The following TGFBRAP1 variants were observed in gnomAD, a reference collection of about 807,000 sequenced individuals.
The protein encoded by TGFBRAP1 is transforming growth factor-beta receptor-associated protein 1.
A neutral mutation model predicts 83.2 loss-of-function variants in TGFBRAP1; 20 were observed. That is an observed-to-expected ratio of 0.24 (90% CI 0.17 to 0.35). TGFBRAP1 has a LOEUF of 0.35. TGFBRAP1 is among the 10% of genes least tolerant of loss of function. TGFBRAP1 has a pLI of 1.00. For synonymous variants in TGFBRAP1, 415 were observed against 459.8 expected (o/e 0.90, Z 1.25); for missense variants, 950 against 1,099.4 (o/e 0.86, Z 1.92).
intron 6 of TGFBRAP1, among the ~76,000 whole-genome samples, chr2:105,280,049 T>C (rs1677478467): frequency 6.8e-6 from 1 of 146,560 alleles, no homozygotes; most frequent in Non-Finnish European, 1.5e-5. Flanking sequence ...AAAAAAATAG[T>C]CATTAAAAAA....
At position 105,269,343 on chromosome 2, in the gene TGFBRAP1, G is replaced by A; in HGVS notation, c.2335C>T (p.His779Tyr). 1 of 1,614,004 alleles carries A rather than the reference G, an allele frequency of 6.2e-7. No individual in the cohort carries two copies. Among genetic ancestry groups the A allele is most frequent in the African/African-American group, 1.3e-5 (1 of 75,042 alleles). The part of the protein sequence containing the change: ...FLMGAMRDSI[H>Y]ARRTMQVALG... ...GCCACCTGCATGGTCCTCCTGGCAT[G>A]GATGCTGTCCCTCATGGCCCCCATC... Residue 779 changes from histidine (H) to tyrosine (Y), a missense_variant, in exon 11 of 12, where the codon CAT becomes TAT. His to Tyr is a moderately conservative substitution (Grantham distance 83). Transcript: ENST00000393359. The surrounding 1 kb of genome is among the most constrained non-coding windows in gnomAD (Gnocchi z 4.1).
intron 1 of TGFBRAP1, among the ~76,000 whole-genome samples, chr2:105,310,369 T>G (rs1678651657): frequency 6.6e-6 from 1 of 152,168 alleles, no homozygotes; most frequent in Non-Finnish European, 1.5e-5. Flanking sequence ...TATGCTGTCT[T>G]CTGTCCTCAG....
At chr2:105,258,033 C>T in the TGFBRAP1 span, among the ~76,000 whole-genome samples, 1 of 152,256 alleles carries the variant, frequency 6.6e-6, no homozygotes, top group Non-Finnish European at 1.5e-5. Context: ...AAACTGCCCC[C>T]TTTGCATGAA....
chr2:105,280,381 C>T lies in TGFBRAP1; in HGVS notation c.1463+1G>A. The T allele has an allele frequency of 1.2e-6, 2 of 1,612,162 alleles. No individual in the cohort carries two copies. The highest frequency in any genetic ancestry group is 1.7e-6 in the Non-Finnish European group (2 of 1,179,114). On this transcript the variant is annotated splice_donor_variant, in intron 6 of 11. Transcript: ENST00000393359. LOFTEE classifies it high-confidence loss of function. The stretch of plus-strand genomic sequence containing the variant: ...GATCATATCAGGAAGGGAACACTCA[C>T]TTTTTGTGCTTCTCTAGCCAGGCAG...
chr2:105,302,665 A>G (rs977604383), intron 2 of TGFBRAP1, among the ~76,000 whole-genome samples: 3 of 152,214 alleles, frequency 2.0e-5, no homozygotes, highest in African/African-American at 7.2e-5. Flanking sequence ...TACCTATGGG[A>G]GAGGGAGACT....
Position 105,284,346 on chromosome 2 carries a change from A to C in TGFBRAP1, c.1091T>G (p.Leu364Arg). Residue 364 changes from leucine to arginine, a missense_variant, in exon 5 of 12, where the codon CTT becomes CGT. Coordinates refer to ENST00000393359, the MANE Select transcript of TGFBRAP1 (RefSeq NM_004257.6). Reference protein sequence around the residue: ...QQAGFIQFAQLQFLEAKELFR... With the variant: ...QQAGFIQFAQRQFLEAKELFR... ...GAGCTCTTTAGCTTCCAGGAACTGAAGTTGTGCAAACTGTATAAATCCCGC... is the reference window on the plus strand; with the variant it reads ...GAGCTCTTTAGCTTCCAGGAACTGACGTTGTGCAAACTGTATAAATCCCGC... 6.2e-7 allele frequency: 1 copy of C among 1,614,032 alleles called. No individual in the cohort carries two copies. Among genetic ancestry groups the C allele is most frequent in the Non-Finnish European group, 8.5e-7 (1 of 1,179,948 alleles).
chr2:105,316,479 G>GCGCGCGCGCA (rs1558654739), intron 1 of TGFBRAP1, among the ~76,000 whole-genome samples: 2 of 69,448 alleles, frequency 2.9e-5, no homozygotes, highest in African/African-American at 5.0e-5. Context: ...GCGCGCGCGC[G>GCGCGCGCGCA]CACGCGCACA....
intron 5 of TGFBRAP1, among the ~76,000 whole-genome samples, chr2:105,284,038 T>G (rs910694170): frequency 1.3e-5 from 2 of 152,160 alleles, no homozygotes; most frequent in South Asian, 4.1e-4. Flanking sequence ...AATTTTCTCC[T>G]GGCAAAACAA....
rs1352160872 is a variant in TGFBRAP1 at position 105,269,430 on chromosome 2, C to T, written c.2248G>A (p.Ala750Thr). The T allele has an allele frequency of 6.2e-7, 1 of 1,613,982 alleles. No individual in the cohort carries two copies. The highest frequency in any genetic ancestry group is 1.3e-5 in the African/African-American group (1 of 75,032). Residue 750 changes from alanine (A) to threonine (T), a missense_variant, in exon 11 of 12, where the codon GCA becomes ACA. Transcript: ENST00000393359. This position sits in a 1 kb window ranked among gnomAD's most constrained non-coding sequence, Gnocchi z 4.1. ...LLNRHATEFD[A>T]AQVLQMLPDT... ...GGCAGCATCTGCAGCACCTGGGCTG[C>T]ATCAAATTCGGTGGCGTGGCGGTTC...
intron 4 of TGFBRAP1, among the ~76,000 whole-genome samples, chr2:105,291,766 T>C (rs1677924942): frequency 6.6e-6 from 1 of 152,008 alleles, no homozygotes; most frequent in African/African-American, 2.4e-5. Flanking sequence ...CTGGGCCGGG[T>C]GCGGAGGGAA....
chr2:105,260,967 G>A (rs745745159), downstream of TGFBRAP1, among the ~76,000 whole-genome samples: 9 of 152,254 alleles, frequency 5.9e-5, no homozygotes, highest in Middle Eastern at 3.4e-3. Context: ...TCTCTTTTGA[G>A]GTGTACATCA....
intron 9 of TGFBRAP1, 65 bp from the exon 10 acceptor site, chr2:105,273,079 C>A: frequency 1.3e-6 from 2 of 1,572,770 alleles, no homozygotes; most frequent in Non-Finnish European, 1.7e-6. Flanking sequence ...CAAAGCTCTC[C>A]CCTGTCAGCC....
At chr2:105,326,056 C>A (rs927923972) in intron 1 of TGFBRAP1, among the ~76,000 whole-genome samples, 7 of 151,998 alleles carry the variant, frequency 4.6e-5, no homozygotes, top group African/African-American at 1.7e-4. Context: ...CAGTTAAGGT[C>A]TAATATCTAA....
intron 1 of TGFBRAP1, among the ~76,000 whole-genome samples, chr2:105,322,611 C>A (rs1270490922): frequency 6.6e-6 from 1 of 152,108 alleles, no homozygotes; most frequent in Non-Finnish European, 1.5e-5. Context: ...TTACAAGATT[C>A]TCTTGTGCTT....
At chr2:105,305,096 T>G (rs1678451574) in intron 2 of TGFBRAP1, among the ~76,000 whole-genome samples, 1 of 152,208 alleles carries the variant, frequency 6.6e-6, no homozygotes, top group South Asian at 2.1e-4. Flanking sequence ...ATGTGCCCCC[T>G]GTACCACTGT....
At chr2:105,276,907 T>C (rs1677369815) in intron 7 of TGFBRAP1, among the ~76,000 whole-genome samples, 1 of 152,214 alleles carries the variant, frequency 6.6e-6, no homozygotes, top group African/African-American at 2.4e-5. Context: ...ACATGGCTGA[T>C]GCTCTTGGCC....
intron 9 of TGFBRAP1, among the ~76,000 whole-genome samples, 164 bp downstream of exon 9, chr2:105,273,380 C>T (rs1677226241): frequency 6.6e-6 from 1 of 152,132 alleles, no homozygotes; most frequent in South Asian, 2.1e-4. Context: ...ACCTATTGCT[C>T]CAGGTCTCTT....
downstream of TGFBRAP1, among the ~76,000 whole-genome samples, chr2:105,263,768 C>G (rs1676841830): frequency 6.6e-6 from 1 of 152,052 alleles, no homozygotes; most frequent in Non-Finnish European, 1.5e-5. Flanking sequence ...CACCTGTAAT[C>G]CCAGCTACTC....
At chr2:105,283,460 T>C (rs553408512) in intron 5 of TGFBRAP1, among the ~76,000 whole-genome samples, 2 of 152,238 alleles carry the variant, frequency 1.3e-5, no homozygotes, top group Non-Finnish European at 2.9e-5. Flanking sequence ...AAATATCTAT[T>C]CAGGGGCTTC....
Sources: allele counts gnomAD v4.1 joint callset (sites outside exome capture counted in the v4.1 genomes callset), GRCh38; gene constraint gnomAD v4.1.1; non-coding constraint Gnocchi (gnomAD v3.1); transcripts MANE v1.5; gene names NCBI Gene and HGNC (gene_info 2026-07-23, HGNC 2026-07-21).